The following QTMAN variants were observed in gnomAD, a reference collection of about 807,000 sequenced individuals.
QTMAN encodes tRNA-queuosine alpha-mannosyltransferase.
chr2:143,948,960 T>C, the QTMAN span, among the ~76,000 whole-genome samples: 3 of 152,162 alleles, frequency 2.0e-5, no homozygotes, highest in African/African-American at 7.2e-5. Flanking sequence ...TACAAGTTTA[T>C]AGTCAATGAC....
At chr2:143,974,326 G>A in the QTMAN span, among the ~76,000 whole-genome samples, 5 of 152,162 alleles carry the variant, frequency 3.3e-5, no homozygotes, top group South Asian at 2.1e-4. Context: ...TTTTACCCAA[G>A]TATTGCAATT....
At chr2:144,278,141 C>T in the QTMAN span, among the ~76,000 whole-genome samples, 1 of 152,188 alleles carries the variant, frequency 6.6e-6, no homozygotes, top group South Asian at 2.1e-4. Context: ...GAGACCAGAA[C>T]TGGCTGCAGC....
chr2:144,005,165 G>A, the QTMAN span, among the ~76,000 whole-genome samples: 1 of 151,846 alleles, frequency 6.6e-6, no homozygotes, highest in Admixed American at 6.6e-5. Context: ...TGTTTTCATT[G>A]TATACTCTCA....
At chr2:144,100,460 G>A in the QTMAN span, among the ~76,000 whole-genome samples, 9,270 of 152,208 alleles carry the variant, frequency 0.061, 941 homozygotes, top group African/African-American at 0.21. Context: ...CTTGATTCTT[G>A]TAAGTCATAT....
chr2:144,296,250 T>C, the QTMAN span, among the ~76,000 whole-genome samples: 1 of 152,202 alleles, frequency 6.6e-6, no homozygotes, highest in Non-Finnish European at 1.5e-5. Context: ...ATGAGTAAAC[T>C]GTCTCTCTTA....
chr2:144,001,401 T>C, the QTMAN span, among the ~76,000 whole-genome samples: 1 of 152,082 alleles, frequency 6.6e-6, no homozygotes, highest in African/African-American at 2.4e-5. Context: ...ATTGGACTTT[T>C]TCCTTTCTGA....
chr2:144,074,924 G>A, the QTMAN span, among the ~76,000 whole-genome samples: 6 of 152,174 alleles, frequency 3.9e-5, no homozygotes, highest in Middle Eastern at 3.2e-3. Flanking sequence ...AATCACTTCT[G>A]CCTTAGTTTC....
At chr2:144,079,605 G>A in the QTMAN span, among the ~76,000 whole-genome samples, 1 of 151,982 alleles carries the variant, frequency 6.6e-6, no homozygotes, top group East Asian at 1.9e-4. Flanking sequence ...CACTCTATCT[G>A]GGAGGAAAGG....
At chr2:143,985,770 C>T in the QTMAN span, among the ~76,000 whole-genome samples, 13 of 152,120 alleles carry the variant, frequency 8.5e-5, no homozygotes, top group Non-Finnish European at 1.5e-4. Context: ...AGGAGCAGAA[C>T]TAAGAAATTA....
At chr2:144,231,843 GGTGT>G in the QTMAN span, among the ~76,000 whole-genome samples, 14,621 of 138,232 alleles carry the variant, frequency 0.11, 898 homozygotes, top group East Asian at 0.22. Context: ...GAATGAAAGA[GGTGT>G]GTGTGTGTGT....
chr2:144,331,848 G>A, the QTMAN span, among the ~76,000 whole-genome samples: 2 of 152,342 alleles, frequency 1.3e-5, no homozygotes, highest in African/African-American at 4.8e-5. Context: ...TCGGCTGGCA[G>A]AGAGGAGTGG....
At chr2:144,021,474 C>G in the QTMAN span, among the ~76,000 whole-genome samples, 10 of 152,130 alleles carry the variant, frequency 6.6e-5, no homozygotes, top group South Asian at 2.1e-4. Flanking sequence ...AAGAGAAAGA[C>G]ACAGAATCCA....
the QTMAN span, among the ~76,000 whole-genome samples, chr2:143,999,369 T>A: frequency 6.6e-6 from 1 of 150,904 alleles, no homozygotes; most frequent in African/African-American, 2.4e-5. Context: ...ATGACTACCA[T>A]CATGGAAAGG....
At chr2:143,951,013 C>G in the QTMAN span, 3 of 151,348 alleles carry the variant, frequency 2.0e-5, no homozygotes, top group African/African-American at 7.3e-5. Context: ...TAACTGTTTC[C>G]TGTAGAAACA....
the QTMAN span, among the ~76,000 whole-genome samples, chr2:144,238,739 C>T: frequency 2.6e-3 from 392 of 152,222 alleles, 1 homozygote; most frequent in African/African-American, 8.5e-3. Flanking sequence ...CCAACTATCC[C>T]CATGAAAAAA....
the QTMAN span, among the ~76,000 whole-genome samples, chr2:144,303,742 A>C: frequency 1.3e-5 from 2 of 152,228 alleles, no homozygotes; most frequent in Non-Finnish European, 2.9e-5. Context: ...ATAATCAACC[A>C]GAAAATTTGA....
At chr2:144,296,643 A>T in the QTMAN span, among the ~76,000 whole-genome samples, 6 of 152,246 alleles carry the variant, frequency 3.9e-5, no homozygotes, top group African/African-American at 1.4e-4. Context: ...TTTTTATTTC[A>T]ATTTTGGAAA....
At chr2:143,953,189 T>C in the QTMAN span, among the ~76,000 whole-genome samples, 1 of 151,940 alleles carries the variant, frequency 6.6e-6, no homozygotes, top group East Asian at 1.9e-4. Context: ...CTTTTCTTAA[T>C]AATGCTGCAA....
chr2:144,222,036 G>A, the QTMAN span, among the ~76,000 whole-genome samples: 8 of 151,970 alleles, frequency 5.3e-5, no homozygotes, highest in Admixed American at 4.6e-4. Flanking sequence ...AATGGAACAT[G>A]AAGAAGTAAA....
Sources: gnomAD v4.1 joint callset for allele counts (sites outside exome capture counted in the v4.1 genomes callset) on GRCh38, gnomAD v4.1.1 for gene constraint, MANE v1.5 for transcripts, NCBI Gene and HGNC (gene_info 2026-07-23, HGNC 2026-07-21) for gene names.